The following RPL14 variants were observed in gnomAD, a reference collection of about 807,000 sequenced individuals.
RPL14 encodes ribosomal protein L14, also known as large ribosomal subunit protein eL14.
Under a neutral mutation model 25.3 loss-of-function variants are expected in RPL14, and 4 were observed. The ratio of observed to expected loss-of-function variants is 0.16; its 90% CI spans 0.08 to 0.36. RPL14 has a LOEUF of 0.36. Ranked by LOEUF, RPL14 falls within the 10% of genes least tolerant of loss-of-function variation. RPL14 has a pLI of 1.00. For missense variants in RPL14, 212 were observed against 261.9 expected, an observed-to-expected ratio of 0.81 and a Z score of 1.31; for synonymous variants, 75 against 89.8, an observed-to-expected ratio of 0.84 and a Z score of 0.93.
rs10682822 is a variant in RPL14, at chr3:40,459,858, C to CAAAAAAA, written c.200+1138_200+1144dup. Among the ~76,000 whole-genome samples the CAAAAAAA allele has an allele frequency of 7.3e-3, 663 of 90,930 alleles. 49 individuals carry two copies. Among genetic ancestry groups the CAAAAAAA allele is most frequent in the African/African-American group, 0.024 (510 of 21,240 alleles). The allele number at this position is 90,930 out of a possible 152,430, so 59.7% of individuals were successfully genotyped here. On this transcript the variant is annotated intron_variant, in intron 3 of 5. Coordinates refer to ENST00000396203, the MANE Select transcript of RPL14 (RefSeq NM_001034996.3). Reference sequence around the variant, plus strand: ...TGGGTGACAGAGCGAGACTCCGTTTCAAAAAAAAAAAAAAAAAAAAAACTT... The same window carrying CAAAAAAA: ...TGGGTGACAGAGCGAGACTCCGTTTCAAAAAAAAAAAAAAAAAAAAAAAAAAAAACTT...
In RPL14 at chr3:40,463,598, C is replaced by T. The variant is rs1024264989; in HGVS notation, c.*1366C>T. On this transcript the variant is annotated 3_prime_UTR_variant, in exon 6 of 6. Coordinates refer to ENST00000396203, the MANE Select transcript of RPL14 (RefSeq NM_001034996.3). ...TTTCTAATCCAAAAAGCTCTAACCT[C>T]TGAAACTGAGCTATGACACTACAAT... 1 of 152,214 alleles carries T rather than the reference C, an allele frequency of 6.6e-6. No individual in the cohort carries two copies. The highest frequency in any genetic ancestry group is 2.4e-5 in the African/African-American group (1 of 41,454). 9.4% of individuals were successfully genotyped at this position (152,214 alleles called of 1,614,324 possible). A position where few individuals can be genotyped will look rare whatever the true frequency, so the allele number is the denominator to read the frequency against.
rs184102353 is a variant in RPL14 at position 40,465,391 on chromosome 3, C to T, written c.*3159C>T. 4 of 152,092 alleles carry T rather than the reference C, an allele frequency of 2.6e-5. No homozygotes were observed. In the East Asian group the frequency reaches 5.8e-4, roughly 22 times the overall value. 9.4% of individuals were successfully genotyped at this position (152,092 alleles called of 1,614,324 possible). On this transcript the variant is annotated 3_prime_UTR_variant, in exon 6 of 6. Transcript: ENST00000396203. ...AGGAGCTAATAGGAGAGAAACTTAGCCCTTCGAAAAACAGGAAGGGATGGA... is the reference window on the plus strand; with the variant it reads ...AGGAGCTAATAGGAGAGAAACTTAGTCCTTCGAAAAACAGGAAGGGATGGA...
In RPL14 at chr3:40,461,718, T is replaced by C; in HGVS notation, c.354+57T>C. The C allele has an allele frequency of 2.0e-6, 3 of 1,483,238 alleles. No homozygotes were observed. In the South Asian group the frequency reaches 3.7e-5, roughly 18 times the overall value. The allele number at this position is 1,483,238 out of a possible 1,614,324, so 91.9% of individuals were successfully genotyped here. ...TTAGCTTTAAATAATAAGGGAGCAG[T>C]AGCCAAATCCCATTTCAGGCTGCCA... On this transcript the variant is annotated intron_variant, in intron 5 of 5. Transcript: ENST00000396203.
chr3:40,457,850 T>C, intron 1 of RPL14, 40 bp from the exon 2 acceptor site: 3 of 1,553,852 alleles, frequency 1.9e-6, no homozygotes, highest in Non-Finnish European at 1.8e-6. Context: ...TAGCGAGTAT[T>C]TCTAAGTAAG....
At position 40,461,457 on chromosome 3, in the gene RPL14, C is replaced by T. The variant is rs145433390; in HGVS notation, c.251C>T (p.Thr84Ile). The T allele has an allele frequency of 3.7e-6, 6 of 1,614,072 alleles. No individual in the cohort carries two copies. The highest frequency in any genetic ancestry group is 5.1e-6 in the Non-Finnish European group (6 of 1,180,002). Residue 84 changes from threonine (T) to isoleucine (I), a missense_variant, in exon 4 of 6, where the codon ACA (threonine) becomes ATA (isoleucine). Transcript: ENST00000396203. Reference protein sequence around the residue: ...RQAWQKADINTKWAATRWAKK... With the variant: ...RQAWQKADINIKWAATRWAKK... ...GCCTGGCAGAAGGCAGACATCAATA[C>T]AAAATGGGCAGCCACACGATGGGCC...
At position 40,466,936 on chromosome 3, in the gene RPL14, C is replaced by T. The variant is rs983229700; in HGVS notation, c.*4704C>T. The T allele has an allele frequency of 7.0e-6, 1 of 142,238 alleles. No homozygotes were observed. The highest frequency in any genetic ancestry group is 2.7e-5 in the African/African-American group (1 of 37,234). The allele number at this position is 142,238 out of a possible 1,614,324, so 8.8% of individuals were successfully genotyped here. ...CCTTTAGTACTAAAATTAAAAGTTA[C>T]CTCATTCTTCTAGCTAGCTGATTTT... On this transcript the variant is annotated 3_prime_UTR_variant, in exon 6 of 6. Transcript: ENST00000396203.
intron 3 of RPL14, among the ~76,000 whole-genome samples, chr3:40,460,297 G>C (rs1223905745): frequency 8.5e-5 from 13 of 152,062 alleles, no homozygotes; most frequent in Admixed American, 8.5e-4. Flanking sequence ...GGAGGCCAAG[G>C]CAGGTAGATA....
intron 3 of RPL14, among the ~76,000 whole-genome samples, chr3:40,459,791 G>A (rs1292851118): frequency 5.5e-5 from 8 of 146,680 alleles, no homozygotes; most frequent in Non-Finnish European, 1.0e-4. Context: ...CCCGGGAGGC[G>A]GAGCTTGCAG....
At position 40,464,921 on chromosome 3, in the gene RPL14, A is replaced by G. The variant is rs536568276; in HGVS notation, c.*2689A>G. ...CTGGGTGTATATGCAAAGACTGCAG[A>G]CAATCTATACTAAAATCCTGGCTCT... On this transcript the variant is annotated 3_prime_UTR_variant, in exon 6 of 6. Transcript: ENST00000396203. 1 of 180,292 alleles carries G rather than the reference A, an allele frequency of 5.5e-6. No individual in the cohort carries two copies. The highest frequency in any genetic ancestry group is 1.3e-4 in the South Asian group (1 of 7,832). The allele number at this position is 180,292 out of a possible 1,614,324, so 11.2% of individuals were successfully genotyped here.
rs377428247 is a variant in RPL14 at position 40,466,515 on chromosome 3, CAAAAAA to C, written c.*4297_*4302del. On this transcript the variant is annotated 3_prime_UTR_variant, in exon 6 of 6. Transcript: ENST00000396203. ...GTGAAACCCTGTCTCTACTAAAAAT[CAAAAAA>C]AAAAAAAAAAAAATGGCTGATTTCA... is the stretch of plus-strand genomic sequence containing the variant. 8.1e-6 allele frequency: 1 copy of C among 123,672 alleles called. No individual in the cohort carries two copies. Among genetic ancestry groups the C allele is most frequent in the African/African-American group, 3.1e-5 (1 of 32,498 alleles). 7.7% of individuals were successfully genotyped at this position (123,672 alleles called of 1,614,324 possible). A position where few individuals can be genotyped will look rare whatever the true frequency, so the allele number is the denominator to read the frequency against.
At chr3:40,458,572 T>G (rs546815187) in intron 2 of RPL14, 70 bp from the exon 3 acceptor site, 4 of 1,206,430 alleles carry the variant, frequency 3.3e-6, no homozygotes, top group South Asian at 1.2e-5. Flanking sequence ...ATAAGTAATG[T>G]TACAGAACCA....
At position 40,462,785 on chromosome 3, in the gene RPL14, CCAAGTGACA is replaced by C. The variant is rs1482735249; in HGVS notation, c.*563_*571del. On this transcript the variant is annotated 3_prime_UTR_variant, in exon 6 of 6. Transcript: ENST00000396203. ...TGAGAAATCATGATAACTTAGAACA[CCAAGTGACA>C]CAAGTGACATTTTTTTCTTATGGTC... 1 of 152,366 alleles carries C rather than the reference CCAAGTGACA, an allele frequency of 6.6e-6. No homozygotes were observed. The highest frequency in any genetic ancestry group is 2.1e-4 in the South Asian group (1 of 4,830). The allele number at this position is 152,366 out of a possible 1,614,324, so 9.4% of individuals were successfully genotyped here.
chr3:40,458,399 G>T (rs76381909), intron 2 of RPL14: 84 of 536,864 alleles, frequency 1.6e-4, no homozygotes, highest in African/African-American at 1.5e-3. Context: ...CATGTGGTTG[G>T]TTTCTATGGG....
At chr3:40,458,196 C>T (rs907938948) in intron 2 of RPL14, 1 of 593,386 alleles carries the variant, frequency 1.7e-6, no homozygotes, top group Admixed American at 3.0e-5. Flanking sequence ...GCCACTTAAG[C>T]TAGAGCCAGT....
rs79511903 is a variant in RPL14 at position 40,458,132 on chromosome 3, T to A, written c.105+141T>A. ...TTACCATTGAGGAAACAGGTAATGGTACGGGTTTTAAGCACAGCCTGAAGT... is the reference window on the plus strand; with the variant it reads ...TTACCATTGAGGAAACAGGTAATGGAACGGGTTTTAAGCACAGCCTGAAGT... On this transcript the variant is annotated intron_variant, in intron 2 of 5. Transcript: ENST00000396203. The A allele has an allele frequency of 3.8e-3, 2,672 of 702,202 alleles. 58 individuals carry two copies. The African/African-American group carries it at 0.042, about 11-fold the overall frequency. The allele number at this position is 702,202 out of a possible 1,614,324, so 43.5% of individuals were successfully genotyped here.
chr3:40,461,510 A>T lies in RPL14; in HGVS notation c.300+4A>T. On this transcript the variant is annotated splice_donor_region_variant and intron_variant, in intron 4 of 5. Transcript: ENST00000396203. ...GAAGATTGAAGCCAGAGAAAGGGTA[A>T]TAACTTAGGGTCATTTGAATTCTGG... The T allele has an allele frequency of 6.2e-7, 1 of 1,613,854 alleles. No homozygotes were observed. The highest frequency in any genetic ancestry group is 1.1e-5 in the South Asian group (1 of 91,054).
At chr3:40,458,364 GA>G in intron 2 of RPL14, 1 of 524,190 alleles carries the variant, frequency 1.9e-6, no homozygotes, top group South Asian at 2.4e-5. Context: ...GCAGGGATCA[GA>G]GTCCTAAAGT....
At chr3:40,460,200 A>G (rs938521670) in intron 3 of RPL14, among the ~76,000 whole-genome samples, 3 of 152,162 alleles carry the variant, frequency 2.0e-5, no homozygotes, top group Non-Finnish European at 4.4e-5. Flanking sequence ...AAAAAAGCCT[A>G]ACAGTTAATA....
chr3:40,462,373 C>CTAT lies in RPL14; in HGVS notation c.*142_*143insATT. 3.0e-6 allele frequency: 1 copy of CTAT among 329,068 alleles called. No individual in the cohort carries two copies. The highest frequency in any genetic ancestry group is 3.7e-5 in the South Asian group (1 of 26,778). The allele number at this position is 329,068 out of a possible 1,614,324, so 20.4% of individuals were successfully genotyped here. ...ATAATAAACATTAAATAATCAGTTC[C>CTAT]TTTTTTTTTTTTTTTTTTTTTGAGA... On this transcript the variant is annotated 3_prime_UTR_variant, in exon 6 of 6. Transcript: ENST00000396203.
Sources: allele counts gnomAD v4.1 joint callset (sites outside exome capture counted in the v4.1 genomes callset), GRCh38; gene constraint gnomAD v4.1.1; transcripts MANE v1.5; gene names NCBI Gene and HGNC (gene_info 2026-07-23, HGNC 2026-07-21).